BAG2: variants seen among roughly 807,000 people sequenced by gnomAD.
BAG2 encodes BAG cochaperone 2.
BAG2 carries 8 observed loss-of-function variants against 16.4 expected under a neutral mutation model. That is an observed-to-expected ratio of 0.49 (90% CI 0.29 to 0.88). The LOEUF (loss-of-function observed/expected upper bound fraction) is 0.88. BAG2 is among the 40% of genes least tolerant of loss of function. The probability of loss-of-function intolerance (pLI) is 0.09; values close to 1 mark genes in which losing one functional copy is unlikely to be tolerated. For synonymous variants in BAG2, 82 were observed against 89.2 expected (o/e 0.92, Z 0.46); for missense variants, 218 against 248.9 (o/e 0.88, Z 0.84).
intron 2 of BAG2, 38 bp downstream of exon 2, chr6:57,182,179 A>G (rs1764467452): frequency 1.3e-6 from 2 of 1,567,272 alleles, no homozygotes; most frequent in Non-Finnish European, 1.8e-6. Flanking sequence ...CATCTTTTAC[A>G]CTCCTTTAAA....
intron 1 of BAG2, chr6:57,173,692 A>C: frequency 3.8e-6 from 1 of 264,420 alleles, no homozygotes; most frequent in Non-Finnish European, 5.9e-6. Flanking sequence ...GTTACTGTGT[A>C]AATTTTGTGA....
chr6:57,182,335 T>C (rs1422293554), intron 2 of BAG2, among the ~76,000 whole-genome samples, 194 bp downstream of exon 2: 2 of 151,814 alleles, frequency 1.3e-5, no homozygotes, highest in Admixed American at 6.6e-5. Context: ...TCCAGCATGC[T>C]CTCTACCCCA....
At chr6:57,183,157 G>A (rs930345403) in intron 2 of BAG2, among the ~76,000 whole-genome samples, 12 of 152,144 alleles carry the variant, frequency 7.9e-5, no homozygotes, top group Admixed American at 4.6e-4. Context: ...TAGTCTCTAC[G>A]CTATCCTGCC....
At chr6:57,181,546 C>T (rs1764444435) in intron 1 of BAG2, among the ~76,000 whole-genome samples, 1 of 151,990 alleles carries the variant, frequency 6.6e-6, no homozygotes. Context: ...GCCTGGCCAA[C>T]ATGGTGAAAC....
chr6:57,180,699 T>G (rs1764413274), intron 1 of BAG2, among the ~76,000 whole-genome samples: 1 of 145,858 alleles, frequency 6.9e-6, no homozygotes, highest in African/African-American at 2.6e-5. Flanking sequence ...TAAGAGAAAA[T>G]ATAGGAAAAT....
chr6:57,180,484 AT>A (rs1764406190), intron 1 of BAG2, among the ~76,000 whole-genome samples: 1 of 152,146 alleles, frequency 6.6e-6, no homozygotes, highest in African/African-American at 2.4e-5. Flanking sequence ...GAACAGTTAA[AT>A]ACACTAATGC....
At position 57,188,423 on chromosome 6, in the gene BAG2, A is replaced by AT. The variant is rs1313699747; in HGVS notation, c.*4235dup. 2 of 152,316 alleles carry AT rather than the reference A, an allele frequency of 1.3e-5. No individual in the cohort carries two copies. Among genetic ancestry groups the AT allele is most frequent in the East Asian group, 3.9e-4 (2 of 5,188 alleles). 9.4% of individuals were successfully genotyped at this position (152,316 alleles called of 1,614,324 possible). A position where few individuals can be genotyped will look rare whatever the true frequency, so the allele number is the denominator to read the frequency against. ...ACAGGAACTGTAACTATCCTCAGAG[A>AT]TTACTTTTTTTAAATATAGAAAGGT... On this transcript the variant is annotated 3_prime_UTR_variant, in exon 3 of 3. Coordinates refer to ENST00000370693, the MANE Select transcript of BAG2 (RefSeq NM_004282.4).
chr6:57,177,695 T>C (rs1345838573), intron 1 of BAG2, among the ~76,000 whole-genome samples: 3 of 152,216 alleles, frequency 2.0e-5, no homozygotes, highest in Non-Finnish European at 4.4e-5. Flanking sequence ...TCACAAGCAC[T>C]GTTCCCTTAT....
intron 1 of BAG2, among the ~76,000 whole-genome samples, chr6:57,175,381 C>G (rs756788005): frequency 1.1e-4 from 17 of 152,102 alleles, no homozygotes; most frequent in Non-Finnish European, 2.1e-4. Context: ...TACAGTCTTA[C>G]GTTATAATGT....
Position 57,186,997 on chromosome 6 carries a change from G to A in BAG2, c.*2807G>A, listed in dbSNP as rs1330459964. 6.6e-6 allele frequency: 1 copy of A among 151,982 alleles called. No homozygotes were observed. The highest frequency in any genetic ancestry group is 1.5e-5 in the Non-Finnish European group (1 of 67,978). The allele number at this position is 151,982 out of a possible 1,614,324, so 9.4% of individuals were successfully genotyped here. A position where few individuals can be genotyped will look rare whatever the true frequency, so the allele number is the denominator to read the frequency against. ...ATCATACATATCACACAAAATTTTA[G>A]CTTTGAAATGCATTTATTTTCTGAT... On this transcript the variant is annotated 3_prime_UTR_variant, in exon 3 of 3. Transcript: ENST00000370693.
rs1593200326 is a variant in BAG2 at position 57,187,512 on chromosome 6, C to G, written c.*3322C>G. Reference sequence around the variant, plus strand: ...CATGTGGAACAAGCTTTCACCTCATCAATGCATTTTGTTTTCAGAGAAACA... The same window carrying G: ...CATGTGGAACAAGCTTTCACCTCATGAATGCATTTTGTTTTCAGAGAAACA... On this transcript the variant is annotated 3_prime_UTR_variant, in exon 3 of 3. Coordinates refer to ENST00000370693, the MANE Select transcript of BAG2 (RefSeq NM_004282.4). 6.6e-6 allele frequency: 1 copy of G among 152,110 alleles called. No homozygotes were observed. Among genetic ancestry groups the G allele is most frequent in the Non-Finnish European group, 1.5e-5 (1 of 68,002 alleles). The allele number at this position is 152,110 out of a possible 1,614,324, so 9.4% of individuals were successfully genotyped here. A position where few individuals can be genotyped will look rare whatever the true frequency, so the allele number is the denominator to read the frequency against.
In BAG2 at chr6:57,172,820, G is replaced by A; in HGVS notation, c.113+10G>A. On this transcript the variant is annotated intron_variant, in intron 1 of 2. Coordinates refer to ENST00000370693, the MANE Select transcript of BAG2 (RefSeq NM_004282.4). Reference sequence around the variant, plus strand: ...ACCAGCTGGAGCTCAGGTGAGCTCCGGGCGGGCGGTCTCGGGCGTTCTGCT... The same window carrying A: ...ACCAGCTGGAGCTCAGGTGAGCTCCAGGCGGGCGGTCTCGGGCGTTCTGCT... 1.3e-6 allele frequency: 2 copies of A among 1,504,628 alleles called. No homozygotes were observed. The highest frequency in any genetic ancestry group is 1.8e-6 in the Non-Finnish European group (2 of 1,124,272). The allele number at this position is 1,504,628 out of a possible 1,614,324, so 93.2% of individuals were successfully genotyped here.
Position 57,188,908 on chromosome 6 carries a change from A to AGAT in BAG2, c.*4720_*4722dup, listed in dbSNP as rs1359659105. 2 of 152,206 alleles carry AGAT rather than the reference A, an allele frequency of 1.3e-5. No individual in the cohort carries two copies. The highest frequency in any genetic ancestry group is 2.4e-5 in the African/African-American group (1 of 41,456). 9.4% of individuals were successfully genotyped at this position (152,206 alleles called of 1,614,324 possible). A position where few individuals can be genotyped will look rare whatever the true frequency, so the allele number is the denominator to read the frequency against. On this transcript the variant is annotated 3_prime_UTR_variant, in exon 3 of 3. Coordinates refer to ENST00000370693, the MANE Select transcript of BAG2 (RefSeq NM_004282.4). ...AACATTAGGAGGATGAGGGGAGTACAGATGGAAAAACAAAAGATAAAACAC... is the reference window on the plus strand; with the variant it reads ...AACATTAGGAGGATGAGGGGAGTACAGATGATGGAAAAACAAAAGATAAAACAC...
At chr6:57,178,013 A>G (rs1372114136) in intron 1 of BAG2, among the ~76,000 whole-genome samples, 1 of 152,166 alleles carries the variant, frequency 6.6e-6, no homozygotes, top group African/African-American at 2.4e-5. Flanking sequence ...TCATGCAGGG[A>G]GTTTTCCAGG....
At position 57,175,150 on chromosome 6, in the gene BAG2, A is replaced by C. The variant is rs932855442; in HGVS notation, c.113+2340A>C. Among the ~76,000 whole-genome samples the C allele has an allele frequency of 4.6e-5, 7 of 152,142 alleles. No homozygotes were observed. The South Asian group carries it at 1.4e-3, about 31-fold the overall frequency. Reference sequence around the variant, plus strand: ...TGATTCCCTTTTCTCCGTTTTGACGATCAGTTCTAAATGGACTCTGAGTTT... The same window carrying C: ...TGATTCCCTTTTCTCCGTTTTGACGCTCAGTTCTAAATGGACTCTGAGTTT... On this transcript the variant is annotated intron_variant, in intron 1 of 2. Transcript: ENST00000370693.
intron 1 of BAG2, chr6:57,173,670 C>T (rs982681611): frequency 8.7e-6 from 3 of 343,712 alleles, no homozygotes; most frequent in South Asian, 2.3e-4. Flanking sequence ...TTCCTGTGAA[C>T]GTTTGTCTCA....
rs1764588456 is a variant in BAG2 at position 57,185,187 on chromosome 6, G to A, written c.*997G>A. 1 of 152,032 alleles carries A rather than the reference G, an allele frequency of 6.6e-6. No homozygotes were observed. Among genetic ancestry groups the A allele is most frequent in the Non-Finnish European group, 1.5e-5 (1 of 68,006 alleles). The allele number at this position is 152,032 out of a possible 1,614,324, so 9.4% of individuals were successfully genotyped here. A position where few individuals can be genotyped will look rare whatever the true frequency, so the allele number is the denominator to read the frequency against. On this transcript the variant is annotated 3_prime_UTR_variant, in exon 3 of 3. Transcript: ENST00000370693. ...GTTACAGCAATTTATACTTTTTTCA[G>A]TAATTAAAATATAGCTATTTCACTG...
At chr6:57,178,004 C>T (rs903430894) in intron 1 of BAG2, among the ~76,000 whole-genome samples, 2 of 152,156 alleles carry the variant, frequency 1.3e-5, no homozygotes, top group African/African-American at 4.8e-5. Flanking sequence ...GTTGTGATTT[C>T]ATGCAGGGAG....
Position 57,187,234 on chromosome 6 carries a change from T to C in BAG2, c.*3044T>C, listed in dbSNP as rs1306865312. ...AAGACCATTTACTAACATCCTACTGTAGATATTTCGAGAGACAGATGAAAA... is the reference window on the plus strand; with the variant it reads ...AAGACCATTTACTAACATCCTACTGCAGATATTTCGAGAGACAGATGAAAA... On this transcript the variant is annotated 3_prime_UTR_variant, in exon 3 of 3. Transcript: ENST00000370693. 6.6e-6 allele frequency: 1 copy of C among 152,194 alleles called. No individual in the cohort carries two copies. Among genetic ancestry groups the C allele is most frequent in the African/African-American group, 2.4e-5 (1 of 41,458 alleles). 9.4% of individuals were successfully genotyped at this position (152,194 alleles called of 1,614,324 possible).
Sources: gnomAD v4.1 joint callset for allele counts (sites outside exome capture counted in the v4.1 genomes callset) on GRCh38, gnomAD v4.1.1 for gene constraint, MANE v1.5 for transcripts, NCBI Gene and HGNC (gene_info 2026-07-23, HGNC 2026-07-21) for gene names.